PCDH9: variants seen among roughly 807,000 people sequenced by gnomAD.
The protein encoded by PCDH9 is protocadherin-9.
Under a neutral mutation model 70.6 loss-of-function variants are expected in PCDH9, and 24 were observed. The observed-to-expected ratio is 0.34, with a 90% CI of 0.25 to 0.48. The LOEUF (loss-of-function observed/expected upper bound fraction) is 0.48, where lower values mean the gene tolerates loss of function less well. Among genes scored for constraint, PCDH9 ranks in the 20% least tolerant of loss-of-function variants. The probability of loss-of-function intolerance (pLI) is 0.99; values close to 1 mark genes in which losing one functional copy is unlikely to be tolerated. For missense variants in PCDH9, 1,281 were observed against 1,503.6 expected (o/e 0.85, Z 2.45); for synonymous variants, 562 against 558.5 (o/e 1.01, Z -0.09).
At chr13:67,140,618 T>C (rs2138356118) in intron 2 of PCDH9, among the ~76,000 whole-genome samples, 1 of 152,310 alleles carries the variant, frequency 6.6e-6, no homozygotes, top group Admixed American at 6.5e-5. Context: ...AAGATCCTGA[T>C]TTAATTGATC....
intron 4 of PCDH9, among the ~76,000 whole-genome samples, chr13:66,449,903 T>C (rs910161858): frequency 1.3e-5 from 2 of 152,168 alleles, no homozygotes; most frequent in Admixed American, 1.3e-4. Context: ...GAGAGACCTT[T>C]TAATGCCTAG....
At chr13:66,763,183 A>T (rs117047886) in intron 3 of PCDH9, among the ~76,000 whole-genome samples, 1 of 151,848 alleles carries the variant, frequency 6.6e-6, no homozygotes, top group Non-Finnish European at 1.5e-5. Flanking sequence ...TATGAATTTT[A>T]TAAAATGACA....
At chr13:66,921,453 C>T (rs1188398875) in intron 2 of PCDH9, among the ~76,000 whole-genome samples, 7 of 151,118 alleles carry the variant, frequency 4.6e-5, no homozygotes, top group African/African-American at 1.7e-4. Flanking sequence ...GTTGACAAAA[C>T]TAGAGTGAAG....
chr13:66,558,702 A>T (rs1961856832), intron 4 of PCDH9, among the ~76,000 whole-genome samples: 2 of 151,972 alleles, frequency 1.3e-5, no homozygotes, highest in Non-Finnish European at 2.9e-5. Flanking sequence ...GCTAACTGTA[A>T]AAGAGCTCAG....
chr13:66,935,942 G>T (rs565055490), intron 2 of PCDH9, among the ~76,000 whole-genome samples: 1 of 151,996 alleles, frequency 6.6e-6, no homozygotes, highest in African/African-American at 2.4e-5. Flanking sequence ...AAAATTAGCT[G>T]GGCATGGTGG....
At chr13:66,626,230 T>C (rs117195199) in intron 4 of PCDH9, among the ~76,000 whole-genome samples, 2 of 152,058 alleles carry the variant, frequency 1.3e-5, no homozygotes, top group Non-Finnish European at 2.9e-5. Context: ...ATAAAGAGGA[T>C]AGATTCTGTG....
At chr13:66,364,179 GAAGA>G (rs776328903) in intron 4 of PCDH9, among the ~76,000 whole-genome samples, 10 of 152,026 alleles carry the variant, frequency 6.6e-5, no homozygotes, top group South Asian at 4.2e-4. Flanking sequence ...AAAAAAAAAG[GAAGA>G]AAGAAACAGT....
intron 4 of PCDH9, among the ~76,000 whole-genome samples, chr13:66,585,606 ATTATT>A (rs141815226): frequency 0.014 from 2,120 of 152,282 alleles, 33 homozygotes; most frequent in East Asian, 0.039. Flanking sequence ...CCCAGTATTC[ATTATT>A]TTATCTTAAA....
intron 2 of PCDH9, among the ~76,000 whole-genome samples, chr13:67,099,499 T>A (rs2086389388): frequency 6.6e-6 from 1 of 152,196 alleles, no homozygotes; most frequent in African/African-American, 2.4e-5. Context: ...AAATTTGGCA[T>A]CTCATCTAGC....
intron 4 of PCDH9, among the ~76,000 whole-genome samples, chr13:66,480,814 A>G (rs1214872371): frequency 1.3e-5 from 2 of 152,230 alleles, no homozygotes; most frequent in Non-Finnish European, 2.9e-5. Flanking sequence ...TTCTGGGTAT[A>G]TAACCAAAGG....
At chr13:66,371,337 T>C (rs1320947115) in intron 4 of PCDH9, among the ~76,000 whole-genome samples, 1 of 152,076 alleles carries the variant, frequency 6.6e-6, no homozygotes, top group Non-Finnish European at 1.5e-5. Flanking sequence ...ATTGAGATTT[T>C]CTTGGATGGT....
intron 2 of PCDH9, among the ~76,000 whole-genome samples, chr13:67,187,098 A>G (rs1207141064): frequency 1.3e-5 from 2 of 152,118 alleles, no homozygotes; most frequent in East Asian, 1.9e-4. Context: ...TGTGTCTTAT[A>G]TCTAACCTAT....
chr13:66,818,067 T>A (rs1004105939), intron 3 of PCDH9, among the ~76,000 whole-genome samples: 1 of 152,192 alleles, frequency 6.6e-6, no homozygotes, highest in African/African-American at 2.4e-5. Context: ...GACTTTCCCC[T>A]CAACGGACAG....
At chr13:66,922,030 G>T (rs900732191) in intron 2 of PCDH9, among the ~76,000 whole-genome samples, 1 of 151,156 alleles carries the variant, frequency 6.6e-6, no homozygotes, top group African/African-American at 2.4e-5. Context: ...GATGACTTGT[G>T]ACTTAGGTTA....
intron 3 of PCDH9, among the ~76,000 whole-genome samples, chr13:66,644,429 G>T (rs374577075): frequency 3.3e-5 from 5 of 151,718 alleles, no homozygotes; most frequent in African/African-American, 1.2e-4. Context: ...ACCTAAAACT[G>T]CCCTAAAAAT....
chr13:66,727,744 G>T (rs2079024118), intron 3 of PCDH9, among the ~76,000 whole-genome samples: 1 of 151,998 alleles, frequency 6.6e-6, no homozygotes, highest in African/African-American at 2.4e-5. Context: ...TTCCAAAAAT[G>T]ATGTTTGATA....
intron 2 of PCDH9, among the ~76,000 whole-genome samples, chr13:67,064,902 A>AGAT (rs1296579998): frequency 1.4e-5 from 2 of 144,762 alleles, no homozygotes; most frequent in African/African-American, 2.6e-5. Flanking sequence ...ATAGATAGAT[A>AGAT]GATAGATAGA....
rs570629244 is a variant in PCDH9 at position 67,044,004 on chromosome 13, C to A, written c.3037-140399G>T. ...CTAGCTCAAATTGGTTTAGGCCAGCCAATTCCTAATTCAAGGAAAGAGGAA... is the reference window on the plus strand; with the variant it reads ...CTAGCTCAAATTGGTTTAGGCCAGCAAATTCCTAATTCAAGGAAAGAGGAA... On this transcript the variant is annotated intron_variant, in intron 2 of 4. Coordinates refer to ENST00000377865, the MANE Select transcript of PCDH9 (RefSeq NM_203487.3). 1.8e-3 allele frequency among the ~76,000 whole-genome samples: 274 copies of A among 152,190 alleles called. 1 individual carries two copies. Among genetic ancestry groups the A allele is most frequent in the African/African-American group, 6.0e-3 (250 of 41,550 alleles).
intron 3 of PCDH9, among the ~76,000 whole-genome samples, chr13:66,748,562 G>A (rs2079408285): frequency 6.6e-6 from 1 of 152,122 alleles, no homozygotes; most frequent in Admixed American, 6.6e-5. Flanking sequence ...TAGCCACTGT[G>A]TCTCTACTTG....
Sources: allele counts gnomAD v4.1 joint callset (sites outside exome capture counted in the v4.1 genomes callset), GRCh38; gene constraint gnomAD v4.1.1; transcripts MANE v1.5; gene names NCBI Gene and HGNC (gene_info 2026-07-23, HGNC 2026-07-21).